VPS13B: variants seen among roughly 807,000 people sequenced by gnomAD.
The protein encoded by VPS13B is vacuolar protein sorting 13 homolog B.
VPS13B carries 285 observed loss-of-function variants against 426.4 expected under a neutral mutation model. That is an observed-to-expected ratio of 0.67 (90% CI 0.61 to 0.74). VPS13B has a LOEUF of 0.74. Among genes scored for constraint, VPS13B ranks in the 30% least tolerant of loss-of-function variants. The probability of loss-of-function intolerance (pLI) is 0.00; values close to 1 mark genes in which losing one functional copy is unlikely to be tolerated. For synonymous variants in VPS13B, 1,676 were observed against 1,676.4 expected (o/e 1.00, Z 0.01); for missense variants, 4,537 against 4,782.6 (o/e 0.95, Z 1.51).
At chr8:99,296,154 T>G (rs1820029744) in intron 19 of VPS13B, among the ~76,000 whole-genome samples, 1 of 152,236 alleles carries the variant, frequency 6.6e-6, no homozygotes, top group Non-Finnish European at 1.5e-5. Context: ...CTGTACATTA[T>G]GTAAATATTA....
At chr8:99,184,239 CA>C (rs1813094231) in intron 16 of VPS13B, among the ~76,000 whole-genome samples, 1 of 152,156 alleles carries the variant, frequency 6.6e-6, no homozygotes, top group African/African-American at 2.4e-5. Flanking sequence ...TAGATACCTA[CA>C]GGGGTATGGT....
At position 99,853,541 on chromosome 8, in the gene VPS13B, T is replaced by C. The variant is rs374129601; in HGVS notation, c.10152T>C (p.Ala3384=). ...ACCTCACCCACCACAAAGCATCAGC[T>C]GAGCTTCTGAGACTCACACTGGACA... ...FDDLTHHKAS[A]ELLRLTLDNI... is the part of the protein sequence containing the mutation. The change falls in exon 56 of 62, where the codon GCT becomes GCC. Residue 3384 remains alanine (A), a synonymous_variant. Transcript: ENST00000357162. The C allele has an allele frequency of 1.2e-6, 2 of 1,614,146 alleles. No individual in the cohort carries two copies. The highest frequency in any genetic ancestry group is 4.5e-5 in the East Asian group (2 of 44,884).
intron 2 of VPS13B, among the ~76,000 whole-genome samples, chr8:99,034,274 C>A (rs906134756): frequency 2.0e-5 from 3 of 152,146 alleles, no homozygotes; most frequent in Non-Finnish European, 4.4e-5. Flanking sequence ...AGGAATTTCG[C>A]TGGGTTACTA....
intron 12 of VPS13B, among the ~76,000 whole-genome samples, chr8:99,137,818 A>G (rs769777006): frequency 2.0e-5 from 3 of 152,206 alleles, no homozygotes; most frequent in Non-Finnish European, 4.4e-5. Context: ...TAAGATTCAG[A>G]ATTAAATATC....
chr8:99,875,354 C>T, intron 61 of VPS13B, 64 bp from the exon 62 acceptor site: 4 of 1,610,556 alleles, frequency 2.5e-6, no homozygotes, highest in Non-Finnish European at 3.4e-6. Context: ...GGCAAAAGAA[C>T]TAATTTTGTT....
intron 35 of VPS13B, among the ~76,000 whole-genome samples, chr8:99,667,959 T>G (rs922102857): frequency 2.6e-5 from 4 of 152,268 alleles, no homozygotes; most frequent in African/African-American, 9.6e-5. Context: ...CCCAATAACA[T>G]TCCCTTTCCT....
intron 14 of VPS13B, among the ~76,000 whole-genome samples, chr8:99,150,765 T>G (rs1236742693): frequency 6.6e-6 from 1 of 152,196 alleles, no homozygotes; most frequent in African/African-American, 2.4e-5. Flanking sequence ...TGTACCACAA[T>G]TTACTTATCC....
At chr8:99,109,064 A>G (rs781435408) in intron 5 of VPS13B, among the ~76,000 whole-genome samples, 10 of 152,054 alleles carry the variant, frequency 6.6e-5, no homozygotes, top group Non-Finnish European at 1.2e-4. Context: ...CCTCTTTTTA[A>G]AAATAGTATT....
At chr8:99,455,192 C>A (rs539522770) in intron 23 of VPS13B, among the ~76,000 whole-genome samples, 193 of 152,226 alleles carry the variant, frequency 1.3e-3, no homozygotes, top group African/African-American at 4.3e-3. Context: ...TCAGGGTTAT[C>A]TAGATTTCCT....
intron 19 of VPS13B, among the ~76,000 whole-genome samples, chr8:99,281,651 C>T (rs570246980): frequency 1.5e-4 from 23 of 152,304 alleles, no homozygotes; most frequent in Admixed American, 5.2e-4. Context: ...GCTCCCTGTG[C>T]GATAAGTAAT....
chr8:99,669,033 TA>T (rs2129858597), intron 35 of VPS13B, among the ~76,000 whole-genome samples: 1 of 152,266 alleles, frequency 6.6e-6, no homozygotes, highest in South Asian at 2.1e-4. Flanking sequence ...ACTGGCATGC[TA>T]GCCCTCCATA....
intron 8 of VPS13B, among the ~76,000 whole-genome samples, chr8:99,122,020 T>C (rs1293605510): frequency 2.1e-5 from 3 of 145,468 alleles, no homozygotes; most frequent in African/African-American, 7.5e-5. Flanking sequence ...CCCAGCTAAT[T>C]TTTTTTTTTT....
In VPS13B at chr8:99,717,186, C is replaced by A. The variant is rs1057516494; in HGVS notation, c.6470C>A (p.Ser2157Ter). Residue 2157 changes from serine to a stop codon, truncating the protein, a stop_gained, in exon 37 of 62, where the codon TCA (serine) becomes TAA (stop). Transcript: ENST00000357162. LOFTEE classifies it high-confidence loss of function. ...TQKVPGIILG[S>*]SFLLSINDFL... ...TTTTTTTCAGGCATAATTCTTGGGT[C>A]ATCATTTCTACTCAGTATAAACGAT... The A allele has an allele frequency of 6.2e-7, 1 of 1,613,090 alleles. No individual in the cohort carries two copies. Among genetic ancestry groups the A allele is most frequent in the South Asian group, 1.1e-5 (1 of 91,014 alleles).
intron 15 of VPS13B, among the ~76,000 whole-genome samples, chr8:99,163,714 T>C (rs11989177): frequency 0.27 from 40,338 of 152,034 alleles, 6,103 homozygotes; most frequent in East Asian, 0.43. Flanking sequence ...ACCAAGCCCA[T>C]GTCCACACAG....
intron 23 of VPS13B, among the ~76,000 whole-genome samples, chr8:99,444,149 A>G (rs1395094848): frequency 6.7e-6 from 1 of 150,322 alleles, no homozygotes; most frequent in East Asian, 1.9e-4. Context: ...CCTGGGCTGG[A>G]GTACAGTGGC....
chr8:99,729,015 G>A (rs1395603208), intron 39 of VPS13B, among the ~76,000 whole-genome samples: 1 of 151,788 alleles, frequency 6.6e-6, no homozygotes, highest in African/African-American at 2.4e-5. Flanking sequence ...TTTCCCCACA[G>A]CTTCCAGAGC....
intron 58 of VPS13B, among the ~76,000 whole-genome samples, chr8:99,867,892 C>T (rs945757324): frequency 6.6e-6 from 1 of 152,186 alleles, no homozygotes; most frequent in Admixed American, 6.5e-5. Flanking sequence ...AGTTTTTCAT[C>T]CTCATGAATC....
At chr8:99,245,137 G>A (rs960878665) in intron 17 of VPS13B, among the ~76,000 whole-genome samples, 10 of 152,182 alleles carry the variant, frequency 6.6e-5, no homozygotes, top group Non-Finnish European at 1.0e-4. Context: ...TAAGAACACA[G>A]TCCTCAGTGT....
At chr8:99,678,158 T>C (rs1831017141) in intron 35 of VPS13B, among the ~76,000 whole-genome samples, 1 of 152,224 alleles carries the variant, frequency 6.6e-6, no homozygotes, top group South Asian at 2.1e-4. Context: ...TCCTTTATCA[T>C]AGTCTTCAAA....
Sources: allele counts gnomAD v4.1 joint callset (sites outside exome capture counted in the v4.1 genomes callset), GRCh38; gene constraint gnomAD v4.1.1; transcripts MANE v1.5; gene names NCBI Gene and HGNC (gene_info 2026-07-23, HGNC 2026-07-21).